Variants in PLAC1 observed in about 807,000 individuals in gnomAD.
The protein encoded by PLAC1 is placenta associated 1.
For missense variants in PLAC1, 136 were observed against 163.2 expected (o/e 0.83, Z 0.91); for synonymous variants, 68 against 62.1 (o/e 1.09, Z -0.44).
At chrX:134,678,448 G>A (rs916690581) in intron 2 of PLAC1, among the ~76,000 whole-genome samples, 3 of 111,258 alleles carry the variant, frequency 2.7e-5, no homozygotes, top group Non-Finnish European at 5.7e-5. Context: ...CAGTGCTTCG[G>A]TTCTCTACCT....
At chrX:134,669,401 A>C (rs1180930304) in intron 2 of PLAC1, among the ~76,000 whole-genome samples, 1 of 112,342 alleles carries the variant, frequency 8.9e-6, no homozygotes, top group Non-Finnish European at 1.9e-5. Flanking sequence ...CAATAAAATC[A>C]AGATACTGAT....
intron 1 of PLAC1, among the ~76,000 whole-genome samples, chrX:134,653,153 C>T (rs780523920): frequency 8.9e-6 from 1 of 112,446 alleles, no homozygotes; most frequent in East Asian, 2.8e-4. Flanking sequence ...GGCCCAGGCC[C>T]CTCATACACT....
intron 1 of PLAC1, among the ~76,000 whole-genome samples, chrX:134,608,679 C>T (rs867496552): frequency 1.1e-5 from 1 of 90,105 alleles, no homozygotes; most frequent in Admixed American, 1.3e-4. Flanking sequence ...TTTCTTTTTT[C>T]TTTTTTTTTT....
chrX:134,628,111 G>GT (rs1312685085), intron 1 of PLAC1, among the ~76,000 whole-genome samples: 2 of 112,176 alleles, frequency 1.8e-5, no homozygotes, highest in Non-Finnish European at 3.8e-5. Flanking sequence ...CTGGCACATC[G>GT]TAAGTGCTCA....
rs371156402 is a variant in PLAC1 at position 134,726,801 on chromosome X, G to A, written n.174+6634C>T. ...TCACACCACTGCATTCCAGCCTTGC[G>A]ACAGAGCAAGACTCTGTCTCAAAAA... On this transcript the variant is annotated intron_variant and non_coding_transcript_variant, in intron 2 of 2. Coordinates refer to the PLAC1 transcript ENST00000466797. 8.2e-5 allele frequency among the ~76,000 whole-genome samples: 6 copies of A among 73,480 alleles called. No homozygotes were observed. In the East Asian group the frequency reaches 2.4e-3, roughly 29 times the overall value. 63.8% of individuals were successfully genotyped at this position (73,480 alleles called of 115,157 possible).
At chrX:134,646,547 G>C (rs2078334449) in intron 1 of PLAC1, among the ~76,000 whole-genome samples, 1 of 111,999 alleles carries the variant, frequency 8.9e-6, no homozygotes, top group Non-Finnish European at 1.9e-5. Flanking sequence ...CTTCCACGAT[G>C]GTCTATAAAT....
intron 2 of PLAC1, among the ~76,000 whole-genome samples, chrX:134,571,568 T>A (rs1432892511): frequency 1.8e-5 from 2 of 112,029 alleles, no homozygotes; most frequent in African/African-American, 6.5e-5. Flanking sequence ...TTAAGTGTTC[T>A]TACCATGAGC....
rs1328808272 is a variant in PLAC1 at position 134,690,920 on chromosome X, C to T, written n.174+42515G>A. 4.2e-5 allele frequency among the ~76,000 whole-genome samples: 3 copies of T among 71,782 alleles called. No homozygotes were observed. In the East Asian group the frequency reaches 1.6e-3, roughly 38 times the overall value. The allele number at this position is 71,782 out of a possible 115,157, so 62.3% of individuals were successfully genotyped here. A position where few individuals can be genotyped will look rare whatever the true frequency, so the allele number is the denominator to read the frequency against. On this transcript the variant is annotated intron_variant and non_coding_transcript_variant, in intron 2 of 2. Coordinates refer to the PLAC1 transcript ENST00000466797. ...TCGCGCCACTGCACTCCAGCCTGGG[C>T]GACAGAGCAAGATTCCGTCTCAAAA...
At chrX:134,595,649 C>A (rs2078059017) in intron 2 of PLAC1, among the ~76,000 whole-genome samples, 1 of 107,287 alleles carries the variant, frequency 9.3e-6, no homozygotes, top group Admixed American at 1.0e-4. Context: ...TAATTTCTTT[C>A]TCTGAAGTCT....
At chrX:134,725,862 T>C (rs1242832981) in intron 2 of PLAC1, among the ~76,000 whole-genome samples, 1 of 111,431 alleles carries the variant, frequency 9.0e-6, no homozygotes, top group Non-Finnish European at 1.9e-5. Flanking sequence ...CCAGGTGTGG[T>C]GGCGGGTGCC....
chrX:134,608,895 G>A (rs1370140911), intron 1 of PLAC1, among the ~76,000 whole-genome samples: 5 of 109,084 alleles, frequency 4.6e-5, no homozygotes, highest in African/African-American at 1.7e-4. Context: ...AGGATGGTCT[G>A]TACCTCCTGA....
intron 2 of PLAC1, among the ~76,000 whole-genome samples, chrX:134,709,095 A>G (rs1419261369): frequency 1.8e-5 from 2 of 112,152 alleles, no homozygotes; most frequent in Non-Finnish European, 3.8e-5. Flanking sequence ...ATGTTCATGT[A>G]TGGGAAGGCT....
intron 1 of PLAC1, among the ~76,000 whole-genome samples, chrX:134,623,451 C>G (rs758503920): frequency 8.9e-6 from 1 of 112,736 alleles, no homozygotes; most frequent in South Asian, 3.7e-4. Flanking sequence ...GTTCTAAGCA[C>G]TTTACATGCC....
At chrX:134,599,166 T>C (rs1329093072) in intron 2 of PLAC1, among the ~76,000 whole-genome samples, 2 of 111,788 alleles carry the variant, frequency 1.8e-5, no homozygotes, top group Non-Finnish European at 3.8e-5. Flanking sequence ...TGGAATATTT[T>C]CCTTCCAGAT....
intron 1 of PLAC1, among the ~76,000 whole-genome samples, chrX:134,627,194 T>C (rs1445323539): frequency 8.9e-6 from 1 of 112,030 alleles, no homozygotes; most frequent in African/African-American, 3.2e-5. Context: ...CTGTTCCCTT[T>C]CTTCCTGTAA....
intron 2 of PLAC1, among the ~76,000 whole-genome samples, chrX:134,720,415 C>T (rs2078654277): frequency 9.1e-6 from 1 of 110,076 alleles, no homozygotes; most frequent in Non-Finnish European, 1.9e-5. Context: ...AGTACTCCCC[C>T]AATTGTTCTA....
chrX:134,747,412 A>C (rs2078731397), intron 1 of PLAC1, among the ~76,000 whole-genome samples: 1 of 111,721 alleles, frequency 9.0e-6, no homozygotes, highest in Admixed American at 9.5e-5. Flanking sequence ...ACACCCTGCT[A>C]TATTTCGAGT....
rs1224546974 is a variant in PLAC1 at position 134,566,377 on chromosome X, A to C, written c.306T>G (p.Ser102=). 8.3e-7 allele frequency: 1 copy of C among 1,211,621 alleles called. No homozygotes were observed. The highest frequency in any genetic ancestry group is 1.1e-6 in the Non-Finnish European group (1 of 895,368). Residue 102 remains serine, a synonymous_variant, in exon 3 of 3, where the codon TCT becomes TCG. Coordinates refer to ENST00000359237, the MANE Select transcript of PLAC1 (RefSeq NM_021796.4). ...VIYSTEIHYS[S]KGTPSKFVIP... is the part of the protein sequence containing the mutation. ...TCACAAACTTAGATGGCGTGCCCTT[A>C]GAAGAGTAGTGTATCTCAGTGCTGT... is the stretch of plus-strand genomic sequence containing the variant.
chrX:134,752,871 G>T (rs1403771243), intron 1 of PLAC1, among the ~76,000 whole-genome samples: 2 of 111,209 alleles, frequency 1.8e-5, no homozygotes, highest in African/African-American at 6.5e-5. Context: ...TGTATGAAAA[G>T]AAAAATAAAT....
Sources: allele counts gnomAD v4.1 joint callset (sites outside exome capture counted in the v4.1 genomes callset), GRCh38; gene constraint gnomAD v4.1.1; transcripts MANE v1.5; gene names NCBI Gene and HGNC (gene_info 2026-07-23, HGNC 2026-07-21).